Variants in ITGA11 observed in about 807,000 individuals in gnomAD.
The protein encoded by ITGA11 is integrin alpha-11.
A neutral mutation model predicts 141.9 loss-of-function variants in ITGA11; 97 were observed. The ratio of observed to expected loss-of-function variants is 0.68; its 90% CI spans 0.58 to 0.81. The LOEUF (loss-of-function observed/expected upper bound fraction) is 0.81. ITGA11 is among the 30% of genes least tolerant of loss of function. The probability of loss-of-function intolerance (pLI) is 0.00; values close to 1 mark genes in which losing one functional copy is unlikely to be tolerated. For synonymous variants in ITGA11, 658 were observed against 624.6 expected, an observed-to-expected ratio of 1.05 and a Z score of -0.80; for missense variants, 1,387 against 1,559.2, an observed-to-expected ratio of 0.89 and a Z score of 1.86.
At chr15:68,311,149 C>T in intron 25 of ITGA11, 69 bp from the exon 26 acceptor site, 1 of 1,385,904 alleles carries the variant, frequency 7.2e-7, no homozygotes, top group East Asian at 2.5e-5. Flanking sequence ...ACGCAGGATC[C>T]CAGAGAGGTT....
chr15:68,320,503 T>C, intron 19 of ITGA11, 111 bp from the exon 20 acceptor site: 4 of 780,798 alleles, frequency 5.1e-6, no homozygotes, highest in Non-Finnish European at 8.3e-6. Flanking sequence ...GACTGGCCTC[T>C]GCTCATGGGA....
At chr15:68,376,667 A>C (rs922067654) in intron 2 of ITGA11, among the ~76,000 whole-genome samples, 2 of 152,272 alleles carry the variant, frequency 1.3e-5, no homozygotes, top group South Asian at 2.1e-4. Context: ...GGTTGACCCA[A>C]CTGGATGAAT....
At chr15:68,317,724 C>T (rs556424561) in intron 20 of ITGA11, among the ~76,000 whole-genome samples, 8 of 152,284 alleles carry the variant, frequency 5.3e-5, no homozygotes, top group Admixed American at 2.0e-4. Flanking sequence ...ATAAATGCAG[C>T]GCCTATCCCA....
chr15:68,313,711 C>A, intron 23 of ITGA11, 68 bp downstream of exon 23: 1 of 1,234,764 alleles, frequency 8.1e-7, no homozygotes, highest in South Asian at 1.3e-5. Flanking sequence ...GAGGATGCCC[C>A]CCCTTAGGCC....
chr15:68,369,398 A>T, intron 2 of ITGA11, 114 bp from the exon 3 acceptor site: 1 of 635,970 alleles, frequency 1.6e-6, no homozygotes, highest in South Asian at 1.8e-5. Flanking sequence ...GTGGGAGGGA[A>T]CCCTGGAGGT....
intron 10 of ITGA11, among the ~76,000 whole-genome samples, chr15:68,345,242 AT>A (rs1441485249): frequency 2.0e-5 from 3 of 152,206 alleles, no homozygotes; most frequent in Non-Finnish European, 4.4e-5. Context: ...TTAAAAATGT[AT>A]TCTAAAGTCT....
chr15:68,426,221 T>C (rs1228205072), intron 1 of ITGA11, among the ~76,000 whole-genome samples: 2 of 152,218 alleles, frequency 1.3e-5, no homozygotes, highest in African/African-American at 4.8e-5. Context: ...GGAAATCCCT[T>C]TGGGTAGAAC....
intron 21 of ITGA11, 123 bp from the exon 22 acceptor site, chr15:68,315,850 G>A: frequency 2.8e-6 from 2 of 724,666 alleles, no homozygotes. Context: ...TTGGGGAGCT[G>A]CTGGCTGGGA....
intron 1 of ITGA11, among the ~76,000 whole-genome samples, chr15:68,412,551 C>T (rs1896797534): frequency 6.6e-6 from 1 of 151,954 alleles, no homozygotes; most frequent in African/African-American, 2.4e-5. Context: ...TCCTTCACCT[C>T]ATTTTCTCTC....
intron 19 of ITGA11, 53 bp from the exon 20 acceptor site, chr15:68,320,445 G>T (rs1893765838): frequency 6.7e-7 from 1 of 1,484,854 alleles, no homozygotes; most frequent in Non-Finnish European, 9.2e-7. Context: ...GAAAGCAGGG[G>T]TAGAGAGGAG....
chr15:68,320,734 A>C (rs1283604214), intron 19 of ITGA11, among the ~76,000 whole-genome samples: 1 of 152,176 alleles, frequency 6.6e-6, no homozygotes, highest in Non-Finnish European at 1.5e-5. Context: ...ACTAATGTAG[A>C]GATAATCCTT....
chr15:68,357,319 G>T lies in ITGA11; in HGVS notation c.601-20C>A. On this transcript the variant is annotated intron_variant, in intron 6 of 29. Coordinates refer to ENST00000315757, the MANE Select transcript of ITGA11 (RefSeq NM_001004439.2). ...TCCAACCTGCAAGGGAGAGGAGAGG[G>T]CAACAGAACATTTTGACCCCATGAA... 2 of 1,602,970 alleles carry T rather than the reference G, an allele frequency of 1.2e-6. No individual in the cohort carries two copies. Among genetic ancestry groups the T allele is most frequent in the Non-Finnish European group, 1.7e-6 (2 of 1,175,626 alleles).
chr15:68,363,213 G>GT (rs998902498), intron 4 of ITGA11, among the ~76,000 whole-genome samples: 20 of 152,188 alleles, frequency 1.3e-4, no homozygotes, highest in African/African-American at 4.8e-4. Flanking sequence ...GGACAGATGA[G>GT]TGAATCAATG....
chr15:68,311,000 T>C lies in ITGA11; in HGVS notation c.3168A>G (p.Pro1056=), dbSNP rs761380839. The C allele has an allele frequency of 2.5e-6, 4 of 1,600,726 alleles. No homozygotes were observed. Among genetic ancestry groups the C allele is most frequent in the East Asian group, 2.3e-5 (1 of 44,296 alleles). The stretch of plus-strand genomic sequence containing the variant: ...CGGTCTGGGGGACACTCACCAGCTG[T>C]GGAGCACGACGCAAGTCTTCCTCCA... ...TPVEEDLRRA[P]QLNHSNSDVV... is the part of the protein sequence containing the mutation. The change falls in exon 26 of 30, where the codon CCA becomes CCG. Residue 1056 remains proline, a synonymous_variant. Transcript: ENST00000315757.
chr15:68,429,349 G>A (rs1300702536), intron 1 of ITGA11, among the ~76,000 whole-genome samples: 5 of 152,190 alleles, frequency 3.3e-5, no homozygotes, highest in African/African-American at 4.8e-5. Context: ...ATGGGGCCTG[G>A]CAGATAACAG....
At chr15:68,336,023 A>G in intron 11 of ITGA11, 178 bp from the exon 12 acceptor site, 1 of 718,046 alleles carries the variant, frequency 1.4e-6, no homozygotes, top group Non-Finnish European at 2.3e-6. Context: ...GGAGGCCTGG[A>G]AGAGGCAGGA....
chr15:68,321,635 T>C lies in ITGA11; in HGVS notation c.2323-132A>G, dbSNP rs1353005618. 1 of 494,818 alleles carries C rather than the reference T, an allele frequency of 2.0e-6. No homozygotes were observed. The allele number at this position is 494,818 out of a possible 1,614,324, so 30.7% of individuals were successfully genotyped here. On this transcript the variant is annotated intron_variant, in intron 18 of 29. Transcript: ENST00000315757. This position sits in a 1 kb window ranked among gnomAD's most constrained non-coding sequence, Gnocchi z 4.9. ...CCTGCACTGTCCCCAGACACCACAC[T>C]GCTCTGTCTTGTGCTTTTCCATAGA... is the stretch of plus-strand genomic sequence containing the variant.
intron 1 of ITGA11, among the ~76,000 whole-genome samples, chr15:68,427,542 T>C (rs550256897): frequency 6.6e-6 from 1 of 151,868 alleles, no homozygotes; most frequent in Non-Finnish European, 1.5e-5. Context: ...AGGGAGGGGG[T>C]TTGGCCTCAC....
rs1406600803 is a variant in ITGA11, at chr15:68,325,781, A to C, written c.2212-540T>G. 6.6e-6 allele frequency among the ~76,000 whole-genome samples: 1 copy of C among 152,238 alleles called. No homozygotes were observed. The highest frequency in any genetic ancestry group is 1.5e-5 in the Non-Finnish European group (1 of 68,044). On this transcript the variant is annotated intron_variant, in intron 17 of 29. Transcript: ENST00000315757. The surrounding 1 kb of genome is among the most constrained non-coding windows in gnomAD (Gnocchi z 5.5). ...AGGGGCGCTCAGGTTGGTTCTGAGC[A>C]TAGATGGTAAGTAAAGGGGTTGCTT...
Sources: gnomAD v4.1 joint callset for allele counts (sites outside exome capture counted in the v4.1 genomes callset) on GRCh38, gnomAD v4.1.1 for gene constraint, Gnocchi (gnomAD v3.1) non-coding constraint, MANE v1.5 for transcripts, NCBI Gene and HGNC (gene_info 2026-07-23, HGNC 2026-07-21) for gene names.